PYGO1: variants seen among roughly 807,000 people sequenced by gnomAD.
PYGO1 encodes the protein pygopus homolog 1.
A neutral mutation model predicts 29.5 loss-of-function variants in PYGO1; 6 were observed. The observed-to-expected ratio is 0.20, with a 90% CI of 0.11 to 0.40. The LOEUF (loss-of-function observed/expected upper bound fraction) is 0.40. Ranked by LOEUF, PYGO1 falls within the 10% of genes least tolerant of loss-of-function variation. The pLI, the probability that PYGO1 is intolerant of heterozygous loss-of-function variation, is 1.00. For synonymous variants in PYGO1, 186 were observed against 180.5 expected (o/e 1.03, Z -0.24); for missense variants, 515 against 514.9 (o/e 1.00, Z 0.00).
intron 1 of PYGO1, among the ~76,000 whole-genome samples, chr15:55,579,406 CATTTTAACAAAAGTATAAA>C (rs1319303520): frequency 1.3e-5 from 2 of 152,166 alleles, no homozygotes; most frequent in Admixed American, 1.3e-4. Flanking sequence ...ATGAGTATTT[CATTTTAACAAAAGTATAAA>C]TAGAAAAAGG....
chr15:55,558,467 G>T (rs1381077970), intron 1 of PYGO1, among the ~76,000 whole-genome samples: 1 of 152,032 alleles, frequency 6.6e-6, no homozygotes, highest in African/African-American at 2.4e-5. Flanking sequence ...AGCTACCAAT[G>T]ACTTTCTTCA....
Position 55,543,099 on chromosome 15 carries a change from G to GTT in PYGO1, c.*2923_*2924insAA, listed in dbSNP as rs1271600111. 6.6e-6 allele frequency: 1 copy of GTT among 151,398 alleles called. No homozygotes were observed. Among genetic ancestry groups the GTT allele is most frequent in the Non-Finnish European group, 1.5e-5 (1 of 67,946 alleles). 9.4% of individuals were successfully genotyped at this position (151,398 alleles called of 1,614,324 possible). A position where few individuals can be genotyped will look rare whatever the true frequency, so the allele number is the denominator to read the frequency against. On this transcript the variant is annotated 3_prime_UTR_variant, in exon 3 of 3. Coordinates refer to ENST00000563719, the MANE Select transcript of PYGO1 (RefSeq NM_001367806.1). The stretch of plus-strand genomic sequence containing the variant: ...GGGGTGTGTGTGTGTGTGTGTGTGT[G>GTT]TAAGATGAGGACTTTCAGTGAAGGA...
chr15:55,557,594 A>G (rs1335028615), intron 1 of PYGO1, among the ~76,000 whole-genome samples: 1 of 152,234 alleles, frequency 6.6e-6, no homozygotes, highest in Non-Finnish European at 1.5e-5. Context: ...GAAATCCTCA[A>G]TAAAATACTG....
At chr15:55,561,516 A>C (rs1004840041) in intron 1 of PYGO1, among the ~76,000 whole-genome samples, 1 of 152,202 alleles carries the variant, frequency 6.6e-6, no homozygotes, top group African/African-American at 2.4e-5. Context: ...CCAAACACTT[A>C]TAAAACCATC....
chr15:55,582,081 C>A (rs2141678326), intron 1 of PYGO1, among the ~76,000 whole-genome samples: 1 of 151,790 alleles, frequency 6.6e-6, no homozygotes, highest in South Asian at 2.1e-4. Flanking sequence ...GTGGCACGTG[C>A]CTATAATCCC....
intron 1 of PYGO1, among the ~76,000 whole-genome samples, chr15:55,579,035 G>A (rs945341972): frequency 3.3e-5 from 5 of 152,168 alleles, no homozygotes; most frequent in Non-Finnish European, 7.4e-5. Context: ...TTAATTTGAT[G>A]TTATAATCCC....
In PYGO1 at chr15:55,582,691, C is replaced by T. The variant is rs547320708; in HGVS notation, c.49+5144G>A. Among the ~76,000 whole-genome samples, 83 of 152,274 alleles carry T rather than the reference C, an allele frequency of 5.5e-4. 1 individual carries two copies. Among genetic ancestry groups the T allele is most frequent in the South Asian group, 2.7e-3 (13 of 4,824 alleles). On this transcript the variant is annotated intron_variant, in intron 1 of 2. Coordinates refer to ENST00000563719, the MANE Select transcript of PYGO1 (RefSeq NM_001367806.1). Reference sequence around the variant, plus strand: ...AACCCAGTTCCAAACCATATACATCCACTGTATACACTGGAATATCCCAGG... The same window carrying T: ...AACCCAGTTCCAAACCATATACATCTACTGTATACACTGGAATATCCCAGG...
chr15:55,579,664 AACC>A (rs1434247407), intron 1 of PYGO1, among the ~76,000 whole-genome samples: 3 of 152,116 alleles, frequency 2.0e-5, no homozygotes, highest in African/African-American at 7.2e-5. Context: ...TACAGGCATA[AACC>A]ACCACATCCA....
intron 1 of PYGO1, among the ~76,000 whole-genome samples, chr15:55,567,826 C>A (rs1299083740): frequency 5.9e-5 from 9 of 152,276 alleles, no homozygotes; most frequent in African/African-American, 2.2e-4. Flanking sequence ...GGATAGCCAG[C>A]TATCCCAGCG....
intron 1 of PYGO1, among the ~76,000 whole-genome samples, chr15:55,563,873 C>T (rs2058943861): frequency 2.0e-5 from 3 of 152,174 alleles, no homozygotes. Flanking sequence ...TGAGATAACA[C>T]TGGGATGGCT....
At chr15:55,550,153 C>T (rs943727750) in intron 1 of PYGO1, among the ~76,000 whole-genome samples, 1 of 152,136 alleles carries the variant, frequency 6.6e-6, no homozygotes, top group African/African-American at 2.4e-5. Context: ...TAGATTACAA[C>T]TGGTTTGACA....
chr15:55,560,820 G>C (rs1012910410), intron 1 of PYGO1, among the ~76,000 whole-genome samples: 2 of 152,058 alleles, frequency 1.3e-5, no homozygotes, highest in African/African-American at 4.8e-5. Context: ...AAATTAGCCA[G>C]GCATGGTGGT....
At position 55,540,413 on chromosome 15, in the gene PYGO1, A is replaced by C. The variant is rs1014636906; in HGVS notation, c.*5610T>G. 4 of 152,118 alleles carry C rather than the reference A, an allele frequency of 2.6e-5. No homozygotes were observed. The highest frequency in any genetic ancestry group is 5.9e-5 in the Non-Finnish European group (4 of 67,950). 9.4% of individuals were successfully genotyped at this position (152,118 alleles called of 1,614,324 possible). ...TAATTTTAGTAGTATGTGCTAAAAAATCCTAATATGCACTGCCATTTAAGG... is the reference window on the plus strand; with the variant it reads ...TAATTTTAGTAGTATGTGCTAAAAACTCCTAATATGCACTGCCATTTAAGG... On this transcript the variant is annotated 3_prime_UTR_variant, in exon 3 of 3. Transcript: ENST00000563719.
chr15:55,588,675 AACG>A, upstream of PYGO1: 1 of 966,246 alleles, frequency 1.0e-6, no homozygotes, highest in Non-Finnish European at 1.5e-6. Flanking sequence ...CAGGCCCGAG[AACG>A]CCCGACCCCG....
chr15:55,569,536 C>T (rs1464502340), intron 1 of PYGO1, among the ~76,000 whole-genome samples: 1 of 152,062 alleles, frequency 6.6e-6, no homozygotes, highest in Non-Finnish European at 1.5e-5. Context: ...GATTTCATTA[C>T]CCAGATGTCA....
intron 1 of PYGO1, among the ~76,000 whole-genome samples, chr15:55,575,454 A>T (rs919011080): frequency 1.3e-5 from 2 of 152,186 alleles, no homozygotes; most frequent in African/African-American, 2.4e-5. Context: ...TGTAGGAAAT[A>T]GACATGCTCA....
intron 1 of PYGO1, among the ~76,000 whole-genome samples, chr15:55,583,624 C>T (rs2059034381): frequency 6.6e-6 from 1 of 152,138 alleles, no homozygotes; most frequent in South Asian, 2.1e-4. Context: ...TCAAGGGATC[C>T]TCCTACCTCA....
At chr15:55,576,161 A>G (rs1376867917) in intron 1 of PYGO1, among the ~76,000 whole-genome samples, 3 of 152,176 alleles carry the variant, frequency 2.0e-5, no homozygotes, top group Admixed American at 2.0e-4. Context: ...AAGCTTGTTA[A>G]TTTAAAAAAG....
intron 1 of PYGO1, among the ~76,000 whole-genome samples, chr15:55,576,037 T>G (rs943369162): frequency 6.6e-6 from 1 of 152,240 alleles, no homozygotes; most frequent in Non-Finnish European, 1.5e-5. Flanking sequence ...CTTTATATTA[T>G]TTGTTAAAAA....
Sources: gnomAD v4.1 joint callset for allele counts (sites outside exome capture counted in the v4.1 genomes callset) on GRCh38, gnomAD v4.1.1 for gene constraint, MANE v1.5 for transcripts, NCBI Gene and HGNC (gene_info 2026-07-23, HGNC 2026-07-21) for gene names.